Variants in RPS5 observed in about 807,000 individuals in gnomAD.
The protein encoded by RPS5 is ribosomal protein S5.
Under a neutral mutation model 20.9 loss-of-function variants are expected in RPS5, and 2 were observed. The observed-to-expected ratio is 0.10, with a 90% CI of 0.04 to 0.30. The LOEUF (loss-of-function observed/expected upper bound fraction) is 0.30, where lower values mean the gene tolerates loss of function less well. RPS5 is among the 10% of genes least tolerant of loss of function. RPS5 has a pLI of 1.00. For synonymous variants in RPS5, 112 were observed against 105.8 expected, an observed-to-expected ratio of 1.06 and a Z score of -0.36; for missense variants, 122 against 287.2, an observed-to-expected ratio of 0.42 and a Z score of 4.16.
intron 3 of RPS5, 28 bp from the exon 4 acceptor site, chr19:58,393,331 G>GTCAGGC: frequency 6.2e-7 from 1 of 1,611,588 alleles, no homozygotes; most frequent in Non-Finnish European, 8.5e-7. Context: ...GGGGCTGGAT[G>GTCAGGC]TCAGGCTCAT....
chr19:58,394,149 C>G, intron 4 of RPS5: 1 of 243,372 alleles, frequency 4.1e-6, no homozygotes, highest in Middle Eastern at 1.5e-3. Flanking sequence ...TGGGGTTTCA[C>G]CAAGTTGCTC....
At chr19:58,388,017 C>T (rs140966415) in intron 1 of RPS5, 120 bp from the exon 2 acceptor site, 2 of 661,424 alleles carry the variant, frequency 3.0e-6, no homozygotes, top group African/African-American at 3.6e-5. Context: ...CTTTCTTGGT[C>T]CTTTGCGACC....
At chr19:58,389,207 AT>A (rs747911107) in intron 2 of RPS5, among the ~76,000 whole-genome samples, 3 of 152,160 alleles carry the variant, frequency 2.0e-5, no homozygotes, top group Non-Finnish European at 4.4e-5. Flanking sequence ...TTGTGACTGC[AT>A]TGATATAAAG....
intron 2 of RPS5, among the ~76,000 whole-genome samples, chr19:58,391,057 A>G (rs2052359932): frequency 1.3e-5 from 2 of 152,174 alleles, no homozygotes. Context: ...CTTCCCCTTT[A>G]CATACTCAAG....
At chr19:58,393,742 T>A in intron 4 of RPS5, 1 of 425,958 alleles carries the variant, frequency 2.3e-6, no homozygotes, top group Non-Finnish European at 4.1e-6. Context: ...ATGTACTTTT[T>A]TTTTTTTTCT....
chr19:58,393,270 G>C (rs113252728), intron 3 of RPS5, 85 bp downstream of exon 3: 1 of 1,609,416 alleles, frequency 6.2e-7, no homozygotes, highest in Middle Eastern at 1.7e-4. Flanking sequence ...CTTATCCCCT[G>C]TGTGGTGTGG....
At chr19:58,394,128 G>T in intron 4 of RPS5, 1 of 212,806 alleles carries the variant, frequency 4.7e-6, no homozygotes. Flanking sequence ...CGGTTTTTTT[G>T]TTTGTAGAGG....
intron 2 of RPS5, chr19:58,388,483 A>AT (rs2052341659): frequency 9.0e-6 from 5 of 553,612 alleles, no homozygotes; most frequent in Middle Eastern, 4.6e-4. Context: ...CACATATGGT[A>AT]TTTTTGTTAC....
chr19:58,390,273 A>C (rs1159350258), intron 2 of RPS5, among the ~76,000 whole-genome samples: 1 of 149,766 alleles, frequency 6.7e-6, no homozygotes, highest in African/African-American at 2.5e-5. Flanking sequence ...GGCTCACTGC[A>C]ACCTCTGCCT....
chr19:58,393,510 T>A (rs1413426616), intron 4 of RPS5, 23 bp downstream of exon 4: 2 of 1,595,986 alleles, frequency 1.3e-6, no homozygotes, highest in African/African-American at 2.7e-5. Context: ...CTTATGCACG[T>A]GGCAGGGTGG....
rs779340945 is a variant in RPS5 at position 58,394,476 on chromosome 19, T to G, written c.448-21T>G. 2.5e-6 allele frequency: 4 copies of G among 1,610,226 alleles called. No individual in the cohort carries two copies. In the East Asian group the frequency reaches 8.9e-5, roughly 36 times the overall value. On this transcript the variant is annotated intron_variant, in intron 4 of 5. Transcript: ENST00000196551. Reference sequence around the variant, plus strand: ...AGGACCGCAGTCTGTCCTTCTAGCCTGACCCCTGCTGTCTTCCTAGGCCAT... The same window carrying G: ...AGGACCGCAGTCTGTCCTTCTAGCCGGACCCCTGCTGTCTTCCTAGGCCAT...
At chr19:58,388,909 G>T (rs1182942788) in intron 2 of RPS5, among the ~76,000 whole-genome samples, 1 of 152,130 alleles carries the variant, frequency 6.6e-6, no homozygotes, top group African/African-American at 2.4e-5. Flanking sequence ...GATTACAGGC[G>T]TGAGCCACCG....
Position 58,393,473 on chromosome 19 carries a change from C to A in RPS5, c.433C>A (p.Arg145Ser). The stretch of plus-strand genomic sequence containing the variant: ...ACAGGCTGTGGATGTGTCCCCCCTG[C>A]GCCGTGTGAACCAGGTGAGCCTGGG... ...RRQAVDVSPL[R>S]RVNQAIWLLC... is the part of the protein sequence containing the mutation. The change falls in exon 4 of 6, where the codon CGC becomes AGC. Residue 145 changes from arginine (R) to serine (S), a missense_variant. This residue lies in a region of RPS5 where 24 missense variants were observed against 36.7 expected (regional missense o/e 0.65). Coordinates refer to ENST00000196551, the MANE Select transcript of RPS5 (RefSeq NM_001009.4). 1 of 1,611,864 alleles carries A rather than the reference C, an allele frequency of 6.2e-7. No homozygotes were observed. The highest frequency in any genetic ancestry group is 1.1e-5 in the South Asian group (1 of 91,054).
intron 2 of RPS5, chr19:58,388,636 GTT>G (rs3048304): frequency 3.0e-3 from 629 of 209,614 alleles, no homozygotes; most frequent in African/African-American, 0.015. Flanking sequence ...GCTGGCCGTA[GTT>G]TTTTTTTTTT....
At chr19:58,390,667 T>C (rs1477146993) in intron 2 of RPS5, among the ~76,000 whole-genome samples, 5 of 151,824 alleles carry the variant, frequency 3.3e-5, no homozygotes, top group Non-Finnish European at 7.4e-5. Flanking sequence ...AACTCCTTGA[T>C]CTATTAAACG....
chr19:58,389,168 C>T (rs2052347857), intron 2 of RPS5, among the ~76,000 whole-genome samples: 2 of 152,144 alleles, frequency 1.3e-5, no homozygotes, highest in African/African-American at 4.8e-5. Context: ...GCCCTTCCTC[C>T]ATTAAAAGAA....
intron 2 of RPS5, among the ~76,000 whole-genome samples, chr19:58,391,988 A>T (rs539277116): frequency 6.6e-6 from 1 of 152,252 alleles, no homozygotes; most frequent in South Asian, 2.1e-4. Flanking sequence ...GTCTTAGAGA[A>T]CACTTAGCAA....
rs1221831869 is a variant in RPS5 at position 58,394,541 on chromosome 19, G to A, written c.492G>A (p.Arg164=). The A allele has an allele frequency of 6.2e-7, 1 of 1,614,120 alleles. No homozygotes were observed. Among genetic ancestry groups the A allele is most frequent in the Non-Finnish European group, 8.5e-7 (1 of 1,180,020 alleles). ...CAGGCGCTCGTGAGGCTGCCTTCCGGAACATTAAGACCATTGCTGAGTGCC... is the reference window on the plus strand; with the variant it reads ...CAGGCGCTCGTGAGGCTGCCTTCCGAAACATTAAGACCATTGCTGAGTGCC... ...LCTGAREAAF[R]NIKTIAECLA... The change falls in exon 5 of 6, where the codon CGG becomes CGA. Residue 164 remains arginine, a synonymous_variant. Transcript: ENST00000196551.
chr19:58,394,415 TG>T, intron 4 of RPS5, 81 bp from the exon 5 acceptor site: 1 of 1,187,128 alleles, frequency 8.4e-7, no homozygotes, highest in Non-Finnish European at 1.2e-6. Flanking sequence ...ACAACGTGGC[TG>T]GCAGCATCAG....
Sources: allele counts gnomAD v4.1 joint callset (sites outside exome capture counted in the v4.1 genomes callset), GRCh38; gene constraint gnomAD v4.1.1; regional missense constraint gnomAD v4.1.1; transcripts MANE v1.5; gene names NCBI Gene and HGNC (gene_info 2026-07-23, HGNC 2026-07-21).